The following ONECUT1 variants were observed in gnomAD, a reference collection of about 807,000 sequenced individuals.
ONECUT1 encodes one cut homeobox 1.
ONECUT1 carries 12 observed loss-of-function variants against 25.6 expected under a neutral mutation model. The observed-to-expected ratio is 0.47, with a 90% CI of 0.30 to 0.76. The LOEUF (loss-of-function observed/expected upper bound fraction) is 0.76. ONECUT1 is among the 30% of genes least tolerant of loss of function. ONECUT1 has a pLI of 0.07. For missense variants in ONECUT1, 620 were observed against 651.2 expected (o/e 0.95, Z 0.52); for synonymous variants, 285 against 270.2 (o/e 1.05, Z -0.54).
rs1240783673 is a variant in ONECUT1 at position 52,757,845 on chromosome 15, A to T, written c.1108T>A (p.Cys370Ser). The T allele has an allele frequency of 1.2e-6, 2 of 1,612,300 alleles. No individual in the cohort carries two copies. Among genetic ancestry groups the T allele is most frequent in the Middle Eastern group, 1.7e-4 (1 of 6,058 alleles). ...QRMSALRLAACKRKEQEHGKD... is the reference protein window; with the variant it reads ...QRMSALRLAASKRKEQEHGKD... ...CCATGTTCTTGTTCTTTCCTTTTGC[A>T]TGCTGTGAAGAAACACAGAAGATGT... The change falls in exon 2 of 2, where the codon TGC (cysteine) becomes AGC (serine). Residue 370 changes from cysteine (C) to serine (S), a missense_variant and splice_region_variant. Coordinates refer to ENST00000305901, the MANE Select transcript of ONECUT1 (RefSeq NM_004498.4).
chr15:52,769,502 CATATGGGGATAT>C (rs1056795923), intron 1 of ONECUT1, among the ~76,000 whole-genome samples: 7 of 152,084 alleles, frequency 4.6e-5, no homozygotes, highest in African/African-American at 1.7e-4. Context: ...ATATCAGAAA[CATATGGGGATAT>C]ATATGGGGAA....
intron 1 of ONECUT1, among the ~76,000 whole-genome samples, chr15:52,767,216 G>A (rs1010104333): frequency 1.3e-5 from 2 of 152,078 alleles, no homozygotes; most frequent in Non-Finnish European, 2.9e-5. Context: ...ACATCGGGAG[G>A]TACACCTCCC....
rs1013796511 is a variant in ONECUT1, at chr15:52,757,296, T to C, written c.*259A>G. On this transcript the variant is annotated 3_prime_UTR_variant, in exon 2 of 2. Coordinates refer to ENST00000305901, the MANE Select transcript of ONECUT1 (RefSeq NM_004498.4). Reference sequence around the variant, plus strand: ...CAGCCAAGCACAGCGAGGATGGTCATGGATTGAAGGTGTGAGATCCAGTGG... The same window carrying C: ...CAGCCAAGCACAGCGAGGATGGTCACGGATTGAAGGTGTGAGATCCAGTGG... The C allele has an allele frequency of 8.6e-6, 4 of 465,032 alleles. No homozygotes were observed. The highest frequency in any genetic ancestry group is 1.5e-5 in the Non-Finnish European group (4 of 263,708). 28.8% of individuals were successfully genotyped at this position (465,032 alleles called of 1,614,324 possible).
Position 52,755,869 on chromosome 15 carries a change from C to T in ONECUT1, c.*1686G>A, listed in dbSNP as rs1373714887. On this transcript the variant is annotated 3_prime_UTR_variant, in exon 2 of 2. Coordinates refer to ENST00000305901, the MANE Select transcript of ONECUT1 (RefSeq NM_004498.4). Reference sequence around the variant, plus strand: ...AATCAAGTGATTCACTGGGGTACCACTAATACGACTTCATTTTTTTTTTGA... The same window carrying T: ...AATCAAGTGATTCACTGGGGTACCATTAATACGACTTCATTTTTTTTTTGA... Among the ~76,000 whole-genome samples, 2 of 150,640 alleles carry T rather than the reference C, an allele frequency of 1.3e-5. No individual in the cohort carries two copies. The highest frequency in any genetic ancestry group is 1.3e-4 in the Admixed American group (2 of 15,246).
intron 1 of ONECUT1, among the ~76,000 whole-genome samples, chr15:52,768,761 G>A (rs1184525585): frequency 6.6e-6 from 1 of 152,148 alleles, no homozygotes; most frequent in African/African-American, 2.4e-5. Flanking sequence ...TTTCAAATTA[G>A]TGAAGTTTTC....
chr15:52,777,351 T>G (rs1311620795), intron 1 of ONECUT1, among the ~76,000 whole-genome samples: 2 of 151,736 alleles, frequency 1.3e-5, no homozygotes, highest in Non-Finnish European at 2.9e-5. Context: ...GCAGCACATA[T>G]TCTCCCCCCT....
At chr15:52,763,688 A>C (rs1039060712) in intron 1 of ONECUT1, among the ~76,000 whole-genome samples, 1 of 152,052 alleles carries the variant, frequency 6.6e-6, no homozygotes, top group African/African-American at 2.4e-5. Flanking sequence ...TGATCAAAGA[A>C]CTCTTTATTC....
Position 52,789,795 on chromosome 15 carries a change from G to A in ONECUT1, c.90C>T (p.Gly30=). 1 of 1,470,522 alleles carries A rather than the reference G, an allele frequency of 6.8e-7. No individual in the cohort carries two copies. Among genetic ancestry groups the A allele is most frequent in the Admixed American group, 2.5e-5 (1 of 39,246 alleles). 91.1% of individuals were successfully genotyped at this position (1,470,522 alleles called of 1,614,324 possible). ...CCACGGAGCTGCGCGCGTGGGGGCT[G>A]CCGCCCAGCAGGTCGGCAGGGGCGG... ...PVPAPADLLG[G]SPHARSSVAH... is the part of the protein sequence containing the mutation. The change falls in exon 1 of 2, where the codon GGC becomes GGT. Residue 30 remains glycine, a synonymous_variant. Coordinates refer to ENST00000305901, the MANE Select transcript of ONECUT1 (RefSeq NM_004498.4). The surrounding 1 kb of genome is among the most constrained non-coding windows in gnomAD (Gnocchi z 4.1).
chr15:52,765,542 C>T (rs977120402), intron 1 of ONECUT1, among the ~76,000 whole-genome samples: 1 of 151,406 alleles, frequency 6.6e-6, no homozygotes, highest in East Asian at 2.0e-4. Flanking sequence ...TGTGGATGAG[C>T]GAGCACACAA....
intron 1 of ONECUT1, among the ~76,000 whole-genome samples, chr15:52,775,546 G>T (rs2083794490): frequency 6.6e-6 from 1 of 151,786 alleles, no homozygotes. Context: ...TGGTAACAGG[G>T]GTTTCTTCTA....
intron 1 of ONECUT1, among the ~76,000 whole-genome samples, chr15:52,766,412 G>A (rs1287554533): frequency 6.6e-6 from 1 of 152,154 alleles, no homozygotes; most frequent in Non-Finnish European, 1.5e-5. Flanking sequence ...AGAGCTGAGG[G>A]AACGGGTGAA....
intron 1 of ONECUT1, among the ~76,000 whole-genome samples, chr15:52,778,055 A>G (rs1432441155): frequency 6.6e-6 from 1 of 152,232 alleles, no homozygotes; most frequent in Non-Finnish European, 1.5e-5. Context: ...GGAATCAGAC[A>G]AAAACAATGT....
chr15:52,783,576 A>G (rs1451492491), intron 1 of ONECUT1, among the ~76,000 whole-genome samples: 4 of 152,114 alleles, frequency 2.6e-5, no homozygotes, highest in African/African-American at 7.2e-5. Context: ...CACCCCACAC[A>G]AGAGGAAACA....
In ONECUT1 at chr15:52,788,156, C is replaced by G. The variant is rs1263227981; in HGVS notation, c.1105+624G>C. On this transcript the variant is annotated intron_variant, in intron 1 of 1. Transcript: ENST00000305901. The surrounding 1 kb of genome is among the most constrained non-coding windows in gnomAD (Gnocchi z 4.3). ...TCTCCTTTCCACAGCCAATTCCATG[C>G]GCAGAGAGCGTCCTAACCCTTACAA... is the stretch of plus-strand genomic sequence containing the variant. 1 of 152,750 alleles carries G rather than the reference C, an allele frequency of 6.5e-6. No individual in the cohort carries two copies. Among genetic ancestry groups the G allele is most frequent in the Non-Finnish European group, 1.5e-5 (1 of 68,356 alleles). 9.5% of individuals were successfully genotyped at this position (152,750 alleles called of 1,614,324 possible).
chr15:52,772,099 A>G (rs2083771387), intron 1 of ONECUT1, among the ~76,000 whole-genome samples: 1 of 152,190 alleles, frequency 6.6e-6, no homozygotes, highest in Admixed American at 6.5e-5. Context: ...GCAGAGGAAA[A>G]AAAAGCGAGA....
intron 1 of ONECUT1, among the ~76,000 whole-genome samples, chr15:52,769,589 T>C (rs192252836): frequency 6.6e-6 from 1 of 152,304 alleles, no homozygotes; most frequent in East Asian, 1.9e-4. Flanking sequence ...GAGTCCTTGG[T>C]ATTGCCACCA....
chr15:52,780,479 A>G, intron 1 of ONECUT1: 2 of 1,058,780 alleles, frequency 1.9e-6, no homozygotes, highest in Non-Finnish European at 2.7e-6. Context: ...AGTTAACCGC[A>G]TTAGTGTGAC....
At chr15:52,780,204 A>C (rs2083831687) in intron 1 of ONECUT1, among the ~76,000 whole-genome samples, 1 of 152,188 alleles carries the variant, frequency 6.6e-6, no homozygotes, top group East Asian at 1.9e-4. Context: ...GATGAAACTC[A>C]GGAGCTGTTT....
At chr15:52,761,468 C>T (rs961850619) in intron 1 of ONECUT1, among the ~76,000 whole-genome samples, 1 of 152,080 alleles carries the variant, frequency 6.6e-6, no homozygotes, top group African/African-American at 2.4e-5. Flanking sequence ...GTCAGGAGTT[C>T]GAGACCAACC....
Sources: allele counts gnomAD v4.1 joint callset (sites outside exome capture counted in the v4.1 genomes callset), GRCh38; gene constraint gnomAD v4.1.1; non-coding constraint Gnocchi (gnomAD v3.1); transcripts MANE v1.5; gene names NCBI Gene and HGNC (gene_info 2026-07-23, HGNC 2026-07-21).